RAB10: variants seen among roughly 807,000 people sequenced by gnomAD.
RAB10 encodes the protein RAB10, member RAS oncogene family.
Under a neutral mutation model 25.7 loss-of-function variants are expected in RAB10, and 5 were observed. The observed-to-expected ratio is 0.19, with a 90% CI of 0.10 to 0.41. The LOEUF is 0.41. Among genes scored for constraint, RAB10 ranks in the 10% least tolerant of loss-of-function variants. RAB10 has a pLI of 1.00. For synonymous variants in RAB10, 89 were observed against 86.4 expected, an observed-to-expected ratio of 1.03 and a Z score of -0.16; for missense variants, 103 against 245.8, an observed-to-expected ratio of 0.42 and a Z score of 3.89.
intron 3 of RAB10, among the ~76,000 whole-genome samples, chr2:26,123,374 C>T (rs1667844050): frequency 6.6e-6 from 1 of 152,122 alleles, no homozygotes; most frequent in Admixed American, 6.6e-5. Context: ...GTACTCTAAC[C>T]TCAATAGAAC....
intron 1 of RAB10, among the ~76,000 whole-genome samples, chr2:26,072,248 T>G (rs1666642655): frequency 1.3e-5 from 2 of 152,128 alleles, no homozygotes; most frequent in South Asian, 4.1e-4. Context: ...GAAACTGGTC[T>G]CTACTAAAAA....
At chr2:26,091,433 C>T (rs527971298) in intron 1 of RAB10, among the ~76,000 whole-genome samples, 3 of 151,890 alleles carry the variant, frequency 2.0e-5, no homozygotes, top group African/African-American at 4.8e-5. Flanking sequence ...TAGTGAGAGG[C>T]GAACCTGGCT....
intron 1 of RAB10, among the ~76,000 whole-genome samples, chr2:26,055,287 C>T (rs1666234692): frequency 6.6e-6 from 1 of 151,956 alleles, no homozygotes; most frequent in Non-Finnish European, 1.5e-5. Context: ...TCTTCTAAGA[C>T]ATTTTACATT....
rs1559590788 is a variant in RAB10, at chr2:26,092,286, TG to T, written c.128-6375del. 5.3e-5 allele frequency among the ~76,000 whole-genome samples: 7 copies of T among 132,422 alleles called. 1 individual carries two copies. The highest frequency in any genetic ancestry group is 2.3e-4 in the African/African-American group (7 of 31,076). 86.9% of individuals were successfully genotyped at this position (132,422 alleles called of 152,430 possible). On this transcript the variant is annotated intron_variant, in intron 1 of 5. Coordinates refer to ENST00000264710, the MANE Select transcript of RAB10 (RefSeq NM_016131.5). ...CTGTGTGTGTGTGTGTGTGTGTGTGTGTGTGTGTGTGTGTGTGTGTGTGTGT... is the reference window on the plus strand; with the variant it reads ...CTGTGTGTGTGTGTGTGTGTGTGTGTTGTGTGTGTGTGTGTGTGTGTGTGT...
chr2:26,104,751 T>C (rs578178831), intron 2 of RAB10, among the ~76,000 whole-genome samples: 1 of 151,446 alleles, frequency 6.6e-6, no homozygotes, highest in East Asian at 1.9e-4. Flanking sequence ...TTTTTTTTTT[T>C]TTTTGAGATG....
intron 1 of RAB10, among the ~76,000 whole-genome samples, chr2:26,090,839 C>T (rs1350955454): frequency 2.6e-5 from 4 of 151,402 alleles, no homozygotes; most frequent in Admixed American, 2.6e-4. Flanking sequence ...GGCACTGCAG[C>T]AGAAGAAAGG....
intron 1 of RAB10, among the ~76,000 whole-genome samples, chr2:26,087,843 G>A (rs568613963): frequency 1.4e-4 from 22 of 152,128 alleles, no homozygotes; most frequent in Non-Finnish European, 2.6e-4. Flanking sequence ...TGTTAACTAC[G>A]CTGTTACTAT....
chr2:26,051,467 G>T (rs1300604955), intron 1 of RAB10, among the ~76,000 whole-genome samples: 2 of 143,480 alleles, frequency 1.4e-5, no homozygotes, highest in Non-Finnish European at 3.0e-5. Context: ...GTCATTAAAG[G>T]CCAGGCGCAG....
upstream of RAB10, among the ~76,000 whole-genome samples, chr2:26,033,805 G>C (rs1559573590): frequency 3.1e-5 from 4 of 128,872 alleles, no homozygotes; most frequent in Admixed American, 3.1e-4. Flanking sequence ...GGGGGTCGGA[G>C]GGGGGGCGCT....
chr2:26,037,658 C>T (rs575894592), intron 1 of RAB10, among the ~76,000 whole-genome samples: 6 of 151,154 alleles, frequency 4.0e-5, no homozygotes, highest in South Asian at 2.1e-4. Flanking sequence ...AAAAAAGTGT[C>T]AATCATAATA....
At chr2:26,053,346 T>C (rs1057070797) in intron 1 of RAB10, among the ~76,000 whole-genome samples, 5 of 152,206 alleles carry the variant, frequency 3.3e-5, no homozygotes, top group African/African-American at 9.6e-5. Flanking sequence ...AGGAGACAGC[T>C]TTAATTTAGA....
chr2:26,089,091 T>TAA lies in RAB10; in HGVS notation c.128-9571_128-9570insAA, dbSNP rs1667049267. 2.6e-5 allele frequency among the ~76,000 whole-genome samples: 4 copies of TAA among 151,992 alleles called. No homozygotes were observed. The East Asian group carries it at 7.7e-4, about 29-fold the overall frequency. ...ACTGGAGGGAATAAGACTGGAGAGG[T>TAA]GGCTTGGGGCCATGCTCAGAAATAT... On this transcript the variant is annotated intron_variant, in intron 1 of 5. Transcript: ENST00000264710.
rs1668065416 is a variant in RAB10, at chr2:26,134,286, T to C, written c.520-652T>C. ...TTGAGCCACTGTGTCCAGCTAATAT[T>C]TTAAATTTTTTATACAGATGGGGGT... is the stretch of plus-strand genomic sequence containing the variant. On this transcript the variant is annotated intron_variant, in intron 5 of 5. Coordinates refer to ENST00000264710, the MANE Select transcript of RAB10 (RefSeq NM_016131.5). Among the ~76,000 whole-genome samples the C allele has an allele frequency of 2.0e-5, 3 of 152,230 alleles. No individual in the cohort carries two copies. In the South Asian group the frequency reaches 6.2e-4, roughly 32 times the overall value.
chr2:26,086,223 CTGCGGT>C (rs2149275641), intron 1 of RAB10, among the ~76,000 whole-genome samples: 1 of 150,550 alleles, frequency 6.6e-6, no homozygotes, highest in African/African-American at 2.4e-5. Context: ...GAGGCTGAGG[CTGCGGT>C]GAGCTGAGCT....
In RAB10 at chr2:26,104,365, A is replaced by T. The variant is rs941343408; in HGVS notation, c.189-5403A>T. Among the ~76,000 whole-genome samples the T allele has an allele frequency of 2.6e-5, 4 of 152,276 alleles. No individual in the cohort carries two copies. In the South Asian group the frequency reaches 8.3e-4, roughly 32 times the overall value. On this transcript the variant is annotated intron_variant, in intron 2 of 5. Coordinates refer to ENST00000264710, the MANE Select transcript of RAB10 (RefSeq NM_016131.5). ...TGAGCATCTTAAGTGTTTATTGGCT[A>T]TTTGTGTATCTTCTTTGGATAAATG...
At position 26,111,640 on chromosome 2, in the gene RAB10, A is replaced by C. The variant is rs1259425376; in HGVS notation, c.327+1734A>C. On this transcript the variant is annotated intron_variant, in intron 3 of 5. Transcript: ENST00000264710. ...AAAAAAATACAAATCTTAAAACAAA[A>C]AAGCTTTATTTTGATTTCCTTATTC... 2.0e-5 allele frequency among the ~76,000 whole-genome samples: 3 copies of C among 152,244 alleles called. No individual in the cohort carries two copies. In the East Asian group the frequency reaches 5.8e-4, roughly 29 times the overall value.
chr2:26,074,448 C>T lies in RAB10; in HGVS notation c.128-24214C>T, dbSNP rs559763514. The stretch of plus-strand genomic sequence containing the variant: ...ATTTTATTTTTTTGAGATGGAGATT[C>T]ACTCTTGTCGCTCAGGCTGGAGTGC... On this transcript the variant is annotated intron_variant, in intron 1 of 5. Transcript: ENST00000264710. Among the ~76,000 whole-genome samples, 4 of 152,068 alleles carry T rather than the reference C, an allele frequency of 2.6e-5. No individual in the cohort carries two copies. The East Asian group carries it at 5.8e-4, about 22-fold the overall frequency.
upstream of RAB10, among the ~76,000 whole-genome samples, chr2:26,033,735 G>GA (rs1665684657): frequency 6.7e-6 from 1 of 148,848 alleles, no homozygotes; most frequent in African/African-American, 2.4e-5. Context: ...CCCGGGAGGG[G>GA]AAGGAGGTGC....
intron 1 of RAB10, among the ~76,000 whole-genome samples, chr2:26,094,171 G>A (rs1377233480): frequency 2.0e-5 from 3 of 151,980 alleles, no homozygotes; most frequent in Non-Finnish European, 4.4e-5. Flanking sequence ...TTATAGGCAT[G>A]AGCCACCACA....
Sources: allele counts gnomAD v4.1 joint callset (sites outside exome capture counted in the v4.1 genomes callset), GRCh38; gene constraint gnomAD v4.1.1; transcripts MANE v1.5; gene names NCBI Gene and HGNC (gene_info 2026-07-23, HGNC 2026-07-21).